BAG1: variants seen among roughly 807,000 people sequenced by gnomAD.
The protein encoded by BAG1 is BAG family molecular chaperone regulator 1.
A neutral mutation model predicts 35.5 loss-of-function variants in BAG1; 35 were observed. That is an observed-to-expected ratio of 0.99 (90% CI 0.75 to 1.31). The LOEUF (loss-of-function observed/expected upper bound fraction) is 1.31. Among genes scored for constraint, BAG1 ranks in the 50% most tolerant of loss-of-function variants. The pLI is 0.00. For missense variants in BAG1, 464 were observed against 453.6 expected, an observed-to-expected ratio of 1.02 and a Z score of -0.21; for synonymous variants, 191 against 178.9, an observed-to-expected ratio of 1.07 and a Z score of -0.54.
chr9:33,264,108 T>C, intron 1 of BAG1, 116 bp downstream of exon 1: 1 of 1,262,164 alleles, frequency 7.9e-7, no homozygotes. Flanking sequence ...AACCCACGCT[T>C]CCGGACGCCA....
At chr9:33,261,295 C>A in intron 2 of BAG1, 126 bp from the exon 3 acceptor site, 1 of 589,922 alleles carries the variant, frequency 1.7e-6, no homozygotes, top group South Asian at 2.4e-5. Context: ...TAGAGGGTGT[C>A]ATGACCCAGT....
At chr9:33,256,102 T>A (rs770281850) in intron 5 of BAG1, among the ~76,000 whole-genome samples, 175 bp from the exon 6 acceptor site, 1 of 152,222 alleles carries the variant, frequency 6.6e-6, no homozygotes, top group Non-Finnish European at 1.5e-5. Flanking sequence ...TGGGTCTGTA[T>A]CCTGTATGGC....
intron 3 of BAG1, chr9:33,259,319 G>A (rs926637184): frequency 4.8e-6 from 1 of 210,164 alleles, no homozygotes; most frequent in Non-Finnish European, 9.6e-6. Context: ...AGCTGAGATC[G>A]TGCACCTGTA....
In BAG1 at chr9:33,259,010, T is replaced by A. The variant is rs568561495; in HGVS notation, c.687A>T (p.Glu229Asp). The change falls in exon 4 of 7, where the codon GAA becomes GAT. Residue 229 changes from glutamate (E) to aspartate (D), a missense_variant. By Grantham distance (45) the Glu-to-Asp change is conservative. Transcript: ENST00000634734. ...TCTCCAAATGTTTCAACTTCTTTAGTTCAACCTCTTCCTGTGGACTGTTCT... is the reference window on the plus strand; with the variant it reads ...TCTCCAAATGTTTCAACTTCTTTAGATCAACCTCTTCCTGTGGACTGTTCT... 1.1e-4 allele frequency: 183 copies of A among 1,614,114 alleles called. 1 individual carries two copies. The South Asian group carries it at 1.9e-3, about 16-fold the overall frequency.
intron 2 of BAG1, chr9:33,261,939 G>A (rs1407688969): frequency 8.1e-6 from 8 of 985,232 alleles, no homozygotes; most frequent in Non-Finnish European, 9.6e-6. Flanking sequence ...ACAATGGGAG[G>A]CACTGGAAAC....
At chr9:33,255,440 G>A in intron 6 of BAG1, 132 bp from the exon 7 acceptor site, 1 of 1,434,630 alleles carries the variant, frequency 7.0e-7, no homozygotes, top group Non-Finnish European at 9.5e-7. Context: ...GAATGGAGAT[G>A]GGCCACTGGC....
chr9:33,262,899 TCA>T (rs1820608515), intron 1 of BAG1, 69 bp from the exon 2 acceptor site: 1 of 1,578,492 alleles, frequency 6.3e-7, no homozygotes, highest in African/African-American at 1.4e-5. Flanking sequence ...TGACACTTTA[TCA>T]CATTTATTTA....
intron 2 of BAG1, 113 bp downstream of exon 2, chr9:33,262,589 G>A (rs1417209121): frequency 1.4e-5 from 16 of 1,123,394 alleles, no homozygotes; most frequent in South Asian, 5.3e-5. Context: ...TCCGGGAGGC[G>A]GAGGTTGCAG....
chr9:33,258,952 C>A lies in BAG1; in HGVS notation c.745G>T (p.Glu249Ter), dbSNP rs1395491988. ...ATTCCAGTAAGCTCTTTATTCAACT[C>A]TTCCAGCTGGTCAGCTATCTTCTCC... Residue 249 changes from glutamate to a stop codon, truncating the protein, a stop_gained, in exon 4 of 7, where the codon GAG (glutamate) becomes TAG (stop). Transcript: ENST00000634734. LOFTEE classifies it high-confidence loss of function. 1.9e-6 allele frequency: 3 copies of A among 1,614,206 alleles called. No homozygotes were observed. In the East Asian group the frequency reaches 6.7e-5, roughly 36 times the overall value.
At position 33,262,792 on chromosome 9, in the gene BAG1, C is replaced by G; in HGVS notation, c.490G>C (p.Gly164Arg). Residue 164 changes from glycine (G) to arginine (R), a missense_variant, in exon 2 of 7, where the codon GGC becomes CGC. Gly to Arg is a moderately radical substitution (Grantham distance 125). Coordinates refer to ENST00000634734, the MANE Select transcript of BAG1 (RefSeq NM_004323.6). The stretch of plus-strand genomic sequence containing the variant: ...TCTTGGACAACTGGTTCACTGCTGC[C>G]CTGCTGGGAGGTAACATGAAGGTCG... The G allele has an allele frequency of 6.2e-7, 1 of 1,614,170 alleles. No individual in the cohort carries two copies.
chr9:33,261,040 C>T, intron 3 of BAG1, 47 bp downstream of exon 3: 1 of 1,519,534 alleles, frequency 6.6e-7, no homozygotes, highest in East Asian at 2.3e-5. Context: ...GTATAAAAGA[C>T]TTCAGTCATT....
chr9:33,256,392 A>G (rs934725855), intron 5 of BAG1, among the ~76,000 whole-genome samples: 1 of 152,220 alleles, frequency 6.6e-6, no homozygotes, highest in African/African-American at 2.4e-5. Context: ...ATGATTTTCA[A>G]TGGCCTCACA....
At chr9:33,260,445 T>C (rs965872909) in intron 3 of BAG1, 1 of 151,898 alleles carries the variant, frequency 6.6e-6, no homozygotes, top group Non-Finnish European at 1.5e-5. Flanking sequence ...CTGGATTAGA[T>C]TTTTTTTGCC....
At chr9:33,262,298 A>C in intron 2 of BAG1, 2 of 1,251,266 alleles carry the variant, frequency 1.6e-6, no homozygotes, top group Non-Finnish European at 2.1e-6. Context: ...AAACAGAGTG[A>C]CTATTAGGAA....
Position 33,264,567 on chromosome 9 carries a change from CG to C in BAG1, c.107del (p.Pro36ArgfsTer37), listed in dbSNP as rs1229767469. The C allele has an allele frequency of 2.1e-6, 3 of 1,432,972 alleles. No individual in the cohort carries two copies. Among genetic ancestry groups the C allele is most frequent in the South Asian group, 1.5e-5 (1 of 67,556 alleles). The allele number at this position is 1,432,972 out of a possible 1,614,324, so 88.8% of individuals were successfully genotyped here. On this transcript the variant is annotated frameshift_variant, in exon 1 of 7. Coordinates refer to ENST00000634734, the MANE Select transcript of BAG1 (RefSeq NM_004323.6). LOFTEE classifies it high-confidence loss of function. ...CAGAGGGAGGCGGACCACGCTGGGC[CG>C]GGGGCTCCGACTGGCGCGGCTCCCG...
intron 5 of BAG1, among the ~76,000 whole-genome samples, chr9:33,256,129 T>A (rs1461468294): frequency 6.6e-6 from 1 of 152,200 alleles, no homozygotes; most frequent in Non-Finnish European, 1.5e-5. Context: ...ATGGCTCTTG[T>A]CCCTATAAAA....
rs1281108502 is a variant in BAG1, at chr9:33,254,278, G to A, written c.*941C>T. On this transcript the variant is annotated 3_prime_UTR_variant, in exon 7 of 7. Coordinates refer to ENST00000634734, the MANE Select transcript of BAG1 (RefSeq NM_004323.6). ...TGGGATTATAGGCATGAGCTGCTGC[G>A]CCAGGCCTTAATTTTTTAAAAACAA... 7.3e-6 allele frequency: 1 copy of A among 137,704 alleles called. No individual in the cohort carries two copies. The highest frequency in any genetic ancestry group is 2.8e-5 in the African/African-American group (1 of 35,894). 8.5% of individuals were successfully genotyped at this position (137,704 alleles called of 1,614,324 possible).
At chr9:33,262,615 C>G (rs1820596777) in intron 2 of BAG1, 87 bp downstream of exon 2, 1 of 1,340,384 alleles carries the variant, frequency 7.5e-7, no homozygotes. Flanking sequence ...CTAGATCGTG[C>G]CATTGCACTC....
At chr9:33,258,650 C>T (rs138323926) in intron 4 of BAG1, among the ~76,000 whole-genome samples, 3 of 152,294 alleles carry the variant, frequency 2.0e-5, no homozygotes, top group East Asian at 3.9e-4. Flanking sequence ...ATAACTATGA[C>T]AATAAATGCT....
Sources: allele counts gnomAD v4.1 joint callset (sites outside exome capture counted in the v4.1 genomes callset), GRCh38; gene constraint gnomAD v4.1.1; transcripts MANE v1.5; gene names NCBI Gene and HGNC (gene_info 2026-07-23, HGNC 2026-07-21).